Variants in COPS8 observed in about 807,000 individuals in gnomAD.
COPS8 encodes the protein COP9 signalosome complex subunit 8.
In COPS8, 11 loss-of-function variants were observed where a neutral mutation model predicts 31.5. The ratio of observed to expected loss-of-function variants is 0.35; its 90% confidence interval spans 0.22 to 0.58. The LOEUF (loss-of-function observed/expected upper bound fraction) is 0.58. COPS8 is among the 20% of genes least tolerant of loss of function. The pLI is 0.83. For missense variants in COPS8, 215 were observed against 255.1 expected (o/e 0.84, Z 1.07); for synonymous variants, 81 against 89.3 (o/e 0.91, Z 0.52).
Position 237,088,051 on chromosome 2 carries a change from T to G in COPS8, c.150-554T>G, listed in dbSNP as rs543851519. ...CTTCCAAAACCTTTCTTTTATATCT[T>G]TTTAAAAACTAAATTGAAATTTTTA... is the stretch of plus-strand genomic sequence containing the variant. On this transcript the variant is annotated intron_variant, in intron 2 of 7. Coordinates refer to ENST00000354371, the MANE Select transcript of COPS8 (RefSeq NM_006710.5). Among the ~76,000 whole-genome samples the G allele has an allele frequency of 8.3e-4, 126 of 152,332 alleles. No homozygotes were observed. In the Middle Eastern group the frequency reaches 0.027, roughly 33 times the overall value.
In COPS8 at chr2:237,087,165, G is replaced by A; in HGVS notation, c.117G>A (p.Gln39=). The part of the protein sequence containing the change: ...GGIATPPVYG[Q]LLALYLLHND... Reference sequence around the variant, plus strand: ...TTGCTACACCCCCAGTGTATGGTCAGCTTCTAGCTTTATATTTGCTCCATA... The same window carrying A: ...TTGCTACACCCCCAGTGTATGGTCAACTTCTAGCTTTATATTTGCTCCATA... The change falls in exon 2 of 8, where the codon CAG becomes CAA. Residue 39 remains glutamine (Q), a synonymous_variant. Coordinates refer to ENST00000354371, the MANE Select transcript of COPS8 (RefSeq NM_006710.5). The A allele has an allele frequency of 2.5e-6, 4 of 1,609,112 alleles. No homozygotes were observed. Among genetic ancestry groups the A allele is most frequent in the Non-Finnish European group, 3.4e-6 (4 of 1,178,254 alleles).
At chr2:237,096,911 C>T (rs1696812329) in intron 7 of COPS8, 42 bp downstream of exon 7, 1 of 1,408,278 alleles carries the variant, frequency 7.1e-7, no homozygotes, top group African/African-American at 1.5e-5. Context: ...TCTCATTGTT[C>T]CTAATTTCTT....
intron 2 of COPS8, among the ~76,000 whole-genome samples, chr2:237,088,309 G>A (rs1170694589): frequency 2.6e-5 from 4 of 152,116 alleles, no homozygotes; most frequent in Non-Finnish European, 4.4e-5. Context: ...AATTTGGGCC[G>A]TCTATAAATC....
chr2:237,088,547 T>G, intron 2 of COPS8, 58 bp from the exon 3 acceptor site: 2 of 1,314,528 alleles, frequency 1.5e-6, no homozygotes, highest in South Asian at 1.3e-5. Flanking sequence ...GTTTTTAACA[T>G]TTCCTGAGAT....
At position 237,100,185 on chromosome 2, in the gene COPS8, A is replaced by G. The variant is rs1696870402; in HGVS notation, c.*2443A>G. 1.3e-5 allele frequency: 2 copies of G among 152,150 alleles called. No individual in the cohort carries two copies. The highest frequency in any genetic ancestry group is 1.5e-5 in the Non-Finnish European group (1 of 68,028). 9.4% of individuals were successfully genotyped at this position (152,150 alleles called of 1,614,324 possible). On this transcript the variant is annotated 3_prime_UTR_variant, in exon 8 of 8. Coordinates refer to ENST00000354371, the MANE Select transcript of COPS8 (RefSeq NM_006710.5). ...GAAACAAAGAAGGGATCATGGAAAT[A>G]TATATCAATGCTGTTGAGACCACAG...
chr2:237,094,194 A>G lies in COPS8; in HGVS notation c.436A>G (p.Lys146Glu), dbSNP rs188786181. The change falls in exon 5 of 8, where the codon AAA (lysine) becomes GAA (glutamate). Residue 146 changes from lysine to glutamate, a missense_variant. By Grantham distance (56) the Lys-to-Glu change is moderately conservative. Coordinates refer to ENST00000354371, the MANE Select transcript of COPS8 (RefSeq NM_006710.5). The stretch of plus-strand genomic sequence containing the variant: ...TGGACTTCCTGTAGAAGAGGCTGTG[A>G]AAGGTAATTTTGGCTTACTTTTTAC... ...FVGLPVEEAV[K>E]GILEQGWQAD... is the part of the protein sequence containing the mutation. The G allele has an allele frequency of 5.5e-5, 88 of 1,613,168 alleles. No individual in the cohort carries two copies. The East Asian group carries it at 1.7e-3, about 31-fold the overall frequency.
intron 7 of COPS8, among the ~76,000 whole-genome samples, chr2:237,097,155 C>G (rs1013741244): frequency 5.9e-5 from 9 of 151,386 alleles, no homozygotes; most frequent in African/African-American, 1.7e-4. Flanking sequence ...ATTCAGAAGG[C>G]GTCCCCAGGC....
chr2:237,100,065 C>A lies in COPS8; in HGVS notation c.*2323C>A, dbSNP rs1031376715. On this transcript the variant is annotated 3_prime_UTR_variant, in exon 8 of 8. Coordinates refer to ENST00000354371, the MANE Select transcript of COPS8 (RefSeq NM_006710.5). ...GATATGCTGCCAATCTCTAAAGCAA[C>A]AAAATCGAACCTGTAGGGTAGTCAA... The A allele has an allele frequency of 1.3e-5, 2 of 152,210 alleles. No individual in the cohort carries two copies. The highest frequency in any genetic ancestry group is 2.9e-5 in the Non-Finnish European group (2 of 68,012). 9.4% of individuals were successfully genotyped at this position (152,210 alleles called of 1,614,324 possible). A position where few individuals can be genotyped will look rare whatever the true frequency, so the allele number is the denominator to read the frequency against.
chr2:237,093,978 C>A, intron 4 of COPS8, 112 bp from the exon 5 acceptor site: 1 of 1,474,712 alleles, frequency 6.8e-7, no homozygotes, highest in Non-Finnish European at 9.0e-7. Flanking sequence ...TCTTTGGGTT[C>A]ATCTGGCCTT....
chr2:237,086,169 T>G (rs574289528), intron 1 of COPS8, 127 bp downstream of exon 1: 1 of 874,412 alleles, frequency 1.1e-6, no homozygotes, highest in Non-Finnish European at 1.8e-6. Flanking sequence ...GCGTGGGAGG[T>G]GGACGTGTGG....
chr2:237,095,984 TA>T, intron 6 of COPS8, 100 bp downstream of exon 6: 1 of 803,722 alleles, frequency 1.2e-6, no homozygotes, highest in South Asian at 1.5e-5. Context: ...AAAATTCGGC[TA>T]TACTAACACA....
chr2:237,089,381 T>C (rs1053137262), intron 3 of COPS8, among the ~76,000 whole-genome samples: 1 of 152,196 alleles, frequency 6.6e-6, no homozygotes, highest in Non-Finnish European at 1.5e-5. Flanking sequence ...CTATAAATCA[T>C]GCACATAAGT....
intron 5 of COPS8, 110 bp downstream of exon 5, chr2:237,094,307 A>G (rs1041053721): frequency 1.9e-6 from 2 of 1,061,082 alleles, no homozygotes; most frequent in South Asian, 3.3e-5. Context: ...TTTGGAGTCC[A>G]GGCTGTGTTT....
At chr2:237,094,881 G>T (rs1298567595) in intron 5 of COPS8, among the ~76,000 whole-genome samples, 3 of 152,136 alleles carry the variant, frequency 2.0e-5, no homozygotes, top group African/African-American at 4.8e-5. Flanking sequence ...CAGGAGAATC[G>T]CATGAATCCA....
rs1160966119 is a variant in COPS8 at position 237,099,555 on chromosome 2, G to A, written c.*1813G>A. The A allele has an allele frequency of 6.6e-6, 1 of 152,044 alleles. No homozygotes were observed. The highest frequency in any genetic ancestry group is 1.5e-5 in the Non-Finnish European group (1 of 67,994). 9.4% of individuals were successfully genotyped at this position (152,044 alleles called of 1,614,324 possible). ...AAGTATAGATTAAATTAATAATCAT[G>A]TAACATTAGACCCCAGTAATCTTAA... On this transcript the variant is annotated 3_prime_UTR_variant, in exon 8 of 8. Coordinates refer to ENST00000354371, the MANE Select transcript of COPS8 (RefSeq NM_006710.5).
At chr2:237,090,821 A>C (rs1292610636) in intron 4 of COPS8, among the ~76,000 whole-genome samples, 2 of 152,254 alleles carry the variant, frequency 1.3e-5, no homozygotes, top group African/African-American at 4.8e-5. Flanking sequence ...TGTAAGTGAC[A>C]GAACAGGAGG....
In COPS8 at chr2:237,096,822, T is replaced by C; in HGVS notation, c.503T>C (p.Val168Ala). 1 of 1,610,452 alleles carries C rather than the reference T, an allele frequency of 6.2e-7. No homozygotes were observed. The highest frequency in any genetic ancestry group is 8.5e-7 in the Non-Finnish European group (1 of 1,177,784). The part of the protein sequence containing the change: ...TTRMVLPRKP[V>A]AGALDVSFNK... ...CTGTACATTTTTTTTTTGAATTTAG[T>C]TGCAGGGGCCCTGGATGTTTCCTTT... The change falls in exon 7 of 8, where the codon GTT becomes GCT. Residue 168 changes from valine to alanine, a missense_variant and splice_region_variant. Val to Ala is a moderately conservative substitution (Grantham distance 64). Transcript: ENST00000354371.
At chr2:237,096,110 G>A (rs1026300718) in intron 6 of COPS8, among the ~76,000 whole-genome samples, 3 of 151,964 alleles carry the variant, frequency 2.0e-5, no homozygotes, top group African/African-American at 4.8e-5. Flanking sequence ...GGTTTTTCAT[G>A]GTCCTTACAC....
chr2:237,096,837 A>G lies in COPS8; in HGVS notation c.518A>G (p.Asp173Gly), dbSNP rs756873308. ...TTGAATTTAGTTGCAGGGGCCCTGGATGTTTCCTTTAACAAGTTTATTCCC... is the reference window on the plus strand; with the variant it reads ...TTGAATTTAGTTGCAGGGGCCCTGGGTGTTTCCTTTAACAAGTTTATTCCC... ...LPRKPVAGAL[D>G]VSFNKFIPLS... is the part of the protein sequence containing the mutation. Residue 173 changes from aspartate to glycine, a missense_variant, in exon 7 of 8, where the codon GAT (aspartate) becomes GGT (glycine). Coordinates refer to ENST00000354371, the MANE Select transcript of COPS8 (RefSeq NM_006710.5). 3 of 1,611,254 alleles carry G rather than the reference A, an allele frequency of 1.9e-6. No homozygotes were observed. The highest frequency in any genetic ancestry group is 2.7e-5 in the African/African-American group (2 of 74,634).
Sources: allele counts gnomAD v4.1 joint callset (sites outside exome capture counted in the v4.1 genomes callset), GRCh38; gene constraint gnomAD v4.1.1; transcripts MANE v1.5; gene names NCBI Gene and HGNC (gene_info 2026-07-23, HGNC 2026-07-21).